Variants in DPH6 observed in about 807,000 individuals in gnomAD.
The protein encoded by DPH6 is diphthine--ammonia ligase.
A neutral mutation model predicts 38.2 loss-of-function variants in DPH6; 33 were observed. The ratio of observed to expected loss-of-function variants is 0.86; its 90% CI spans 0.65 to 1.15. The LOEUF (loss-of-function observed/expected upper bound fraction) is 1.15. Ranked by LOEUF, DPH6 falls within the 50% of genes most tolerant of loss-of-function variation. The pLI is 0.00. For missense variants in DPH6, 325 were observed against 320.0 expected (o/e 1.02, Z -0.12); for synonymous variants, 108 against 103.0 (o/e 1.05, Z -0.30).
the DPH6 span, among the ~76,000 whole-genome samples, chr15:35,153,359 T>G: frequency 1.4e-3 from 208 of 152,304 alleles, no homozygotes; most frequent in African/African-American, 4.7e-3. Context: ...CCTCCTCTTA[T>G]TTTTAAAAAT....
chr15:35,401,862 C>A (rs1390644214), intron 6 of DPH6: 19 of 500,852 alleles, frequency 3.8e-5, no homozygotes, highest in Non-Finnish European at 6.5e-5. Context: ...CTCAGTCAAG[C>A]ACAGTGGTGG....
intron 5 of DPH6, among the ~76,000 whole-genome samples, chr15:35,444,847 G>C (rs1484103494): frequency 2.0e-5 from 3 of 151,148 alleles, no homozygotes; most frequent in Non-Finnish European, 3.0e-5. Context: ...ACATTATTTT[G>C]GTCTGATTTG....
chr15:35,290,087 T>G (rs1205981198), intron 3 of DPH6, among the ~76,000 whole-genome samples: 1 of 152,218 alleles, frequency 6.6e-6, no homozygotes, highest in Non-Finnish European at 1.5e-5. Flanking sequence ...GGTTTTGCAA[T>G]GAACACACAT....
chr15:35,171,842 T>C, the DPH6 span, among the ~76,000 whole-genome samples: 1 of 150,232 alleles, frequency 6.7e-6, no homozygotes, highest in African/African-American at 2.4e-5. Flanking sequence ...GAAAATAGTA[T>C]TTTATAATAT....
At chr15:35,370,168 T>C (rs1482029882), downstream of DPH6, among the ~76,000 whole-genome samples, 2 of 151,740 alleles carry the variant, frequency 1.3e-5, no homozygotes, top group Non-Finnish European at 3.0e-5. Flanking sequence ...AATCCATATA[T>C]AGATGTTATG....
downstream of DPH6, among the ~76,000 whole-genome samples, chr15:35,215,260 C>A (rs924101549): frequency 2.6e-5 from 4 of 152,192 alleles, no homozygotes; most frequent in Non-Finnish European, 4.4e-5. Context: ...TTATCTTTAA[C>A]TTGAATTTAT....
intron 3 of DPH6, among the ~76,000 whole-genome samples, chr15:35,317,082 AC>A (rs2052196345): frequency 6.6e-6 from 1 of 152,020 alleles, no homozygotes; most frequent in South Asian, 2.1e-4. Flanking sequence ...ACATGGTGAA[AC>A]CCTATCTCTA....
chr15:35,483,859 G>C lies in DPH6; in HGVS notation c.313-29039C>G, dbSNP rs188511593. On this transcript the variant is annotated intron_variant, in intron 3 of 8. Coordinates refer to ENST00000256538, the MANE Select transcript of DPH6 (RefSeq NM_080650.4). ...ATAGAATACTATTCAGCAATAAAAA[G>C]AAATGAAGTACTGATGTGTACAACG... Among the ~76,000 whole-genome samples the C allele has an allele frequency of 9.4e-3, 1,424 of 152,246 alleles. 14 individuals carry two copies. The highest frequency in any genetic ancestry group is 0.016 in the Non-Finnish European group (1,062 of 68,006).
chr15:35,351,288 T>C (rs749277527), intron 3 of DPH6, among the ~76,000 whole-genome samples: 1 of 152,188 alleles, frequency 6.6e-6, no homozygotes, highest in Non-Finnish European at 1.5e-5. Context: ...CTATGTGTGT[T>C]GTTAAATTTA....
At chr15:35,294,077 C>A (rs144716651) in intron 3 of DPH6, among the ~76,000 whole-genome samples, 1 of 152,130 alleles carries the variant, frequency 6.6e-6, no homozygotes, top group South Asian at 2.1e-4. Context: ...GGCTTTGGCA[C>A]GACCACACTC....
intron 6 of DPH6, among the ~76,000 whole-genome samples, chr15:35,405,234 T>C (rs568510198): frequency 6.6e-6 from 1 of 152,124 alleles, no homozygotes; most frequent in Admixed American, 6.5e-5. Flanking sequence ...TTTTTTTTAC[T>C]ATTGTTGTGA....
At chr15:35,194,791 A>G in the DPH6 span, among the ~76,000 whole-genome samples, 1 of 152,330 alleles carries the variant, frequency 6.6e-6, no homozygotes, top group African/African-American at 2.4e-5. Flanking sequence ...AGCATTACTT[A>G]AAACAACTTT....
At position 35,378,422 on chromosome 15, in the gene DPH6, TTCC is replaced by T. The variant is rs539124377; in HGVS notation, c.662+3397_662+3399del. The stretch of plus-strand genomic sequence containing the variant: ...ACCATTATGGAAGACAGTGTGGCGA[TTCC>T]TCAAGGATCTAGACCTAGAAATACC... On this transcript the variant is annotated intron_variant, in intron 7 of 8. Coordinates refer to ENST00000256538, the MANE Select transcript of DPH6 (RefSeq NM_080650.4). Among the ~76,000 whole-genome samples the T allele has an allele frequency of 1.6e-4, 24 of 152,332 alleles. No individual in the cohort carries two copies. In the South Asian group the frequency reaches 5.0e-3, roughly 32 times the overall value.
At chr15:35,350,710 G>A (rs2052503478) in intron 3 of DPH6, among the ~76,000 whole-genome samples, 1 of 152,124 alleles carries the variant, frequency 6.6e-6, no homozygotes, top group South Asian at 2.1e-4. Flanking sequence ...ATTCAAGAGT[G>A]TATTAATTTC....
At chr15:35,326,324 T>C (rs969823492), downstream of DPH6, among the ~76,000 whole-genome samples, 24 of 152,202 alleles carry the variant, frequency 1.6e-4, no homozygotes, top group Admixed American at 1.5e-3. Context: ...TAAAGCTCAA[T>C]TGTCTTTGCA....
chr15:35,306,072 A>C (rs955932066), intron 3 of DPH6, among the ~76,000 whole-genome samples: 1 of 152,184 alleles, frequency 6.6e-6, no homozygotes. Context: ...CAAGACTGTC[A>C]GACAATCTCA....
chr15:35,377,228 T>C (rs2052793410), intron 7 of DPH6, among the ~76,000 whole-genome samples: 1 of 152,048 alleles, frequency 6.6e-6, no homozygotes, highest in South Asian at 2.1e-4. Flanking sequence ...GGGCAGAAAA[T>C]ATGAGTAGGT....
chr15:35,356,947 G>A (rs1408363641), intron 3 of DPH6, among the ~76,000 whole-genome samples: 3 of 152,156 alleles, frequency 2.0e-5, no homozygotes, highest in Admixed American at 6.5e-5. Context: ...CGAGCTTCCT[G>A]GCCACTTTGT....
intron 6 of DPH6, among the ~76,000 whole-genome samples, chr15:35,395,610 C>T (rs1595527964): frequency 6.6e-6 from 1 of 152,248 alleles, no homozygotes; most frequent in Admixed American, 6.5e-5. Flanking sequence ...CACTTTGTTG[C>T]CACGACCCAT....
Sources: gnomAD v4.1 joint callset for allele counts (sites outside exome capture counted in the v4.1 genomes callset) on GRCh38, gnomAD v4.1.1 for gene constraint, MANE v1.5 for transcripts, NCBI Gene and HGNC (gene_info 2026-07-23, HGNC 2026-07-21) for gene names.